Variants in TMF1 observed in about 807,000 individuals in gnomAD.
TMF1 encodes the protein TATA element modulatory factor 1.
A neutral mutation model predicts 126.5 loss-of-function variants in TMF1; 71 were observed. The observed-to-expected ratio is 0.56, with a 90% CI of 0.46 to 0.68. The LOEUF (loss-of-function observed/expected upper bound fraction) is 0.68, where lower values mean the gene tolerates loss of function less well. Ranked by LOEUF, TMF1 falls within the 30% of genes least tolerant of loss-of-function variation. TMF1 has a pLI of 0.00. For missense variants in TMF1, 1,259 were observed against 1,253.2 expected (o/e 1.00, Z -0.07); for synonymous variants, 461 against 430.5 (o/e 1.07, Z -0.88).
rs201746420 is a variant in TMF1, at chr3:69,048,173, C to T, written c.532G>A (p.Glu178Lys). Residue 178 changes from glutamate to lysine, a missense_variant, in exon 2 of 17, where the codon GAA becomes AAA. Glu to Lys is a moderately conservative substitution (Grantham distance 56). Transcript: ENST00000398559. ...TCCGATTCTTTATTAACAGTTTCTTCGTGCTTGCCTTCAGTTTTAGGTGAT... is the reference window on the plus strand; with the variant it reads ...TCCGATTCTTTATTAACAGTTTCTTTGTGCTTGCCTTCAGTTTTAGGTGAT... The part of the protein sequence containing the change: ...TSSPKTEGKH[E>K]ETVNKESDMK... 255 of 1,614,068 alleles carry T rather than the reference C, an allele frequency of 1.6e-4. No individual in the cohort carries two copies. The highest frequency in any genetic ancestry group is 1.7e-4 in the Non-Finnish European group (205 of 1,180,042).
At chr3:69,037,906 T>C (rs1206227722) in intron 8 of TMF1, among the ~76,000 whole-genome samples, 2 of 151,904 alleles carry the variant, frequency 1.3e-5, no homozygotes, top group African/African-American at 4.8e-5. Context: ...CAGACAATAA[T>C]AAATCTTGGC....
At chr3:69,042,242 T>C (rs993340453) in intron 5 of TMF1, 24 of 418,190 alleles carry the variant, frequency 5.7e-5, no homozygotes, top group Non-Finnish European at 1.1e-4. Flanking sequence ...TTCACCATGT[T>C]GGCCAGGCTT....
chr3:69,026,974 G>C (rs1056121318), intron 13 of TMF1, among the ~76,000 whole-genome samples: 3 of 151,990 alleles, frequency 2.0e-5, no homozygotes, highest in African/African-American at 7.2e-5. Flanking sequence ...TTTCAATACA[G>C]AAAACTCATT....
Position 69,033,577 on chromosome 3 carries a change from T to G in TMF1, c.2372A>C (p.Lys791Thr). 1 of 1,613,688 alleles carries G rather than the reference T, an allele frequency of 6.2e-7. No individual in the cohort carries two copies. Among genetic ancestry groups the G allele is most frequent in the South Asian group, 1.1e-5 (1 of 90,970 alleles). ...TLGSQTSSWEKLEKNLSDRLG... is the reference protein window; with the variant it reads ...TLGSQTSSWETLEKNLSDRLG... The stretch of plus-strand genomic sequence containing the variant: ...CCTATCAGAAAGATTCTTCTCTAAT[T>G]TCTCCCACGACGATGTCTGGGATCC... Residue 791 changes from lysine (K) to threonine (T), a missense_variant, in exon 10 of 17, where the codon AAA becomes ACA. Physicochemically the swap from Lys to Thr is moderately conservative, Grantham distance 78. Transcript: ENST00000398559.
intron 4 of TMF1, 139 bp from the exon 5 acceptor site, chr3:69,043,051 T>A: frequency 3.3e-6 from 2 of 602,384 alleles, no homozygotes; most frequent in Non-Finnish European, 5.6e-6. Context: ...GTTAATCTAC[T>A]ACCTTGGTTA....
intron 1 of TMF1, 176 bp from the exon 2 acceptor site, chr3:69,048,738 C>G: frequency 1.8e-6 from 1 of 570,728 alleles, no homozygotes; most frequent in South Asian, 3.2e-5. Context: ...CAAGTTAATA[C>G]AGGGACTTAC....
At chr3:69,035,185 T>C (rs2091825500) in intron 8 of TMF1, 70 bp from the exon 9 acceptor site, 5 of 1,267,068 alleles carry the variant, frequency 3.9e-6, no homozygotes, top group Non-Finnish European at 5.7e-6. Context: ...ACTAACTACA[T>C]ATTTTGTGTT....
chr3:69,029,496 G>A (rs1330769810), intron 11 of TMF1, among the ~76,000 whole-genome samples: 1 of 150,980 alleles, frequency 6.6e-6, no homozygotes, highest in Non-Finnish European at 1.5e-5. Flanking sequence ...CCAGGCTGGA[G>A]TGCAGTGGTG....
intron 5 of TMF1, chr3:69,042,376 C>CT (rs748234261): frequency 1.3e-4 from 58 of 455,838 alleles, no homozygotes; most frequent in Non-Finnish European, 1.9e-4. Flanking sequence ...GACAAAAGTG[C>CT]TTAATAATTT....
chr3:69,024,434 C>T, intron 15 of TMF1: 1 of 218,518 alleles, frequency 4.6e-6, no homozygotes, highest in Non-Finnish European at 8.9e-6. Context: ...TGTTTGAAAA[C>T]ATTCAACCAT....
rs1022183777 is a variant in TMF1, at chr3:69,020,438, CCAAA to C, written c.*2735_*2738del. 15 of 152,252 alleles carry C rather than the reference CCAAA, an allele frequency of 9.9e-5. No individual in the cohort carries two copies. Among genetic ancestry groups the C allele is most frequent in the African/African-American group, 3.6e-4 (15 of 41,550 alleles). The allele number at this position is 152,252 out of a possible 1,614,324, so 9.4% of individuals were successfully genotyped here. A position where few individuals can be genotyped will look rare whatever the true frequency, so the allele number is the denominator to read the frequency against. Reference sequence around the variant, plus strand: ...TCTGTGCTTAATTGTCTATAAATGACCAAACAACCTTCCCTTTGTTTACTCATTT... The same window carrying C: ...TCTGTGCTTAATTGTCTATAAATGACCAACCTTCCCTTTGTTTACTCATTT... On this transcript the variant is annotated 3_prime_UTR_variant, in exon 17 of 17. Coordinates refer to ENST00000398559, the MANE Select transcript of TMF1 (RefSeq NM_007114.3).
In TMF1 at chr3:69,026,135, C is replaced by A. The variant is rs777012513; in HGVS notation, c.2758-38G>T. Reference sequence around the variant, plus strand: ...AAAAAATTCTGTTCATATTAAAGAGCAAAGAGATAAGCAGAGAAAGCAAGA... The same window carrying A: ...AAAAAATTCTGTTCATATTAAAGAGAAAAGAGATAAGCAGAGAAAGCAAGA... On this transcript the variant is annotated intron_variant, in intron 13 of 16. Transcript: ENST00000398559. 2.2e-6 allele frequency: 3 copies of A among 1,357,098 alleles called. No individual in the cohort carries two copies. The African/African-American group carries it at 4.3e-5, about 20-fold the overall frequency. 84.1% of individuals were successfully genotyped at this position (1,357,098 alleles called of 1,614,324 possible).
Position 69,025,580 on chromosome 3 carries a change from C to A in TMF1, c.2992G>T (p.Gly998Trp). The change falls in exon 15 of 17, where the codon GGG becomes TGG. Residue 998 changes from glycine (G) to tryptophan (W), a missense_variant. Gly to Trp is a radical substitution (Grantham distance 184). Coordinates refer to ENST00000398559, the MANE Select transcript of TMF1 (RefSeq NM_007114.3). ...NLQSQLKLRE[G>W]EITHLQLEIG... ...AATACCTGTAAATGAGTGATTTCCCCTTCCCTTAGCTTTAGCTGAGACTGT... is the reference window on the plus strand; with the variant it reads ...AATACCTGTAAATGAGTGATTTCCCATTCCCTTAGCTTTAGCTGAGACTGT... 1.2e-6 allele frequency: 2 copies of A among 1,612,602 alleles called. No individual in the cohort carries two copies. Among genetic ancestry groups the A allele is most frequent in the South Asian group, 1.1e-5 (1 of 90,734 alleles).
intron 5 of TMF1, 110 bp from the exon 6 acceptor site, chr3:69,039,803 A>G: frequency 1.7e-6 from 2 of 1,194,408 alleles, no homozygotes; most frequent in Non-Finnish European, 2.3e-6. Flanking sequence ...TTAAATTACA[A>G]TTTTGTAACC....
intron 5 of TMF1, chr3:69,042,306 G>C: frequency 2.2e-6 from 1 of 454,982 alleles, no homozygotes. Flanking sequence ...CCCAAGTGCT[G>C]AGATTACAGT....
At chr3:69,032,405 C>T (rs2091807940) in intron 10 of TMF1, among the ~76,000 whole-genome samples, 1 of 152,214 alleles carries the variant, frequency 6.6e-6, no homozygotes, top group African/African-American at 2.4e-5. Flanking sequence ...TTTATCACTA[C>T]ACTGTGATTT....
Position 69,047,698 on chromosome 3 carries a change from C to T in TMF1, c.1007G>A (p.Ser336Asn), listed in dbSNP as rs373685720. 4.3e-6 allele frequency: 7 copies of T among 1,614,120 alleles called. No homozygotes were observed. In the Middle Eastern group the frequency reaches 8.2e-4, roughly 190 times the overall value. Reference protein sequence around the residue: ...IDSFSVQSLDSRSVSEINSDD... With the variant: ...IDSFSVQSLDNRSVSEINSDD... Reference sequence around the variant, plus strand: ...TGAATTGATTTCACTTACACTCCGGCTATCTAATGACTGTACACTAAATGA... The same window carrying T: ...TGAATTGATTTCACTTACACTCCGGTTATCTAATGACTGTACACTAAATGA... The change falls in exon 2 of 17, where the codon AGC (serine) becomes AAC (asparagine). Residue 336 changes from serine (S) to asparagine (N), a missense_variant. Ser to Asn is a conservative substitution (Grantham distance 46). Transcript: ENST00000398559.
chr3:69,027,465 T>C (rs576059874), intron 13 of TMF1, among the ~76,000 whole-genome samples: 5 of 152,328 alleles, frequency 3.3e-5, no homozygotes, highest in East Asian at 3.9e-4. Context: ...CTAGAAATCA[T>C]AGATCTCTTT....
chr3:69,029,473 C>G (rs1341663855), intron 11 of TMF1, among the ~76,000 whole-genome samples: 4 of 149,542 alleles, frequency 2.7e-5, no homozygotes, highest in African/African-American at 7.4e-5. Flanking sequence ...GAGACCGAGT[C>G]TCACTCTGTC....
Sources: gnomAD v4.1 joint callset for allele counts (sites outside exome capture counted in the v4.1 genomes callset) on GRCh38, gnomAD v4.1.1 for gene constraint, MANE v1.5 for transcripts, NCBI Gene and HGNC (gene_info 2026-07-23, HGNC 2026-07-21) for gene names.